GNAO1: variants seen among roughly 807,000 people sequenced by gnomAD.
GNAO1 encodes G protein subunit alpha o1, also known as guanine nucleotide-binding protein G(o) subunit alpha.
For synonymous variants in GNAO1, 164 were observed against 180.7 expected (o/e 0.91, Z 0.74); for missense variants, 166 against 478.7 (o/e 0.35, Z 6.10).
chr16:56,324,697 G>A (rs1351987621), intron 3 of GNAO1, among the ~76,000 whole-genome samples: 1 of 152,230 alleles, frequency 6.6e-6, no homozygotes, highest in Non-Finnish European at 1.5e-5. Flanking sequence ...CTGCCAGGGG[G>A]GCCCGGACAG....
At chr16:56,303,379 C>T (rs1209569057) in intron 3 of GNAO1, among the ~76,000 whole-genome samples, 1 of 152,192 alleles carries the variant, frequency 6.6e-6, no homozygotes, top group Non-Finnish European at 1.5e-5. Context: ...GGCGGGCAGC[C>T]TTCCCATAGC....
intron 2 of GNAO1, among the ~76,000 whole-genome samples, chr16:56,273,361 G>C (rs1407767179): frequency 2.0e-5 from 3 of 152,042 alleles, no homozygotes; most frequent in African/African-American, 7.2e-5. Flanking sequence ...TTCATCAGTT[G>C]ATATTCCCTT....
chr16:56,265,391 C>A (rs561200746), intron 2 of GNAO1, among the ~76,000 whole-genome samples: 1 of 152,214 alleles, frequency 6.6e-6, no homozygotes, highest in South Asian at 2.1e-4. Flanking sequence ...CCATGCAGGT[C>A]GGGCTCACTG....
intron 2 of GNAO1, among the ~76,000 whole-genome samples, chr16:56,223,542 A>C (rs1269077876): frequency 1.3e-5 from 2 of 152,194 alleles, no homozygotes; most frequent in Non-Finnish European, 2.9e-5. Flanking sequence ...GGCCCTGTAA[A>C]GTTCCAGGGA....
intron 2 of GNAO1, among the ~76,000 whole-genome samples, chr16:56,236,899 G>A (rs1390310529): frequency 1.3e-5 from 2 of 152,194 alleles, no homozygotes; most frequent in African/African-American, 4.8e-5. Flanking sequence ...CCAGGAACGT[G>A]TAGGATTGTG....
At chr16:56,273,571 T>TTGTG (rs1168669855) in intron 2 of GNAO1, among the ~76,000 whole-genome samples, 2 of 152,244 alleles carry the variant, frequency 1.3e-5, no homozygotes, top group Non-Finnish European at 2.9e-5. Flanking sequence ...CAGGAATTAT[T>TTGTG]TGTGTGATGC....
intron 2 of GNAO1, among the ~76,000 whole-genome samples, chr16:56,197,229 G>C (rs764785432): frequency 2.0e-5 from 3 of 152,220 alleles, no homozygotes; most frequent in Non-Finnish European, 4.4e-5. Context: ...CGCACGTTGG[G>C]TTAGTATTCT....
intron 2 of GNAO1, chr16:56,194,472 G>A (rs1213959275): frequency 2.9e-6 from 1 of 344,804 alleles, no homozygotes; most frequent in Non-Finnish European, 5.8e-6. Context: ...GAGGTTTCAG[G>A]CGTTGCAAGT....
At chr16:56,277,838 C>T (rs976484188) in intron 3 of GNAO1, among the ~76,000 whole-genome samples, 28 of 126,610 alleles carry the variant, frequency 2.2e-4, no homozygotes, top group African/African-American at 6.0e-4. Context: ...CACACACACA[C>T]ACACGGTGTG....
intron 2 of GNAO1, among the ~76,000 whole-genome samples, chr16:56,236,733 C>G (rs147539371): frequency 8.5e-4 from 129 of 152,290 alleles, no homozygotes; most frequent in African/African-American, 2.9e-3. Context: ...CGCAGTGATC[C>G]TCTGTAATCG....
intron 2 of GNAO1, among the ~76,000 whole-genome samples, chr16:56,266,089 A>C (rs899241): frequency 6.6e-6 from 1 of 151,778 alleles, no homozygotes; most frequent in African/African-American, 2.4e-5. Context: ...TTCCCCACTA[A>C]CTACTAGTTT....
At chr16:56,294,210 C>T (rs1194464471) in intron 3 of GNAO1, among the ~76,000 whole-genome samples, 1 of 152,132 alleles carries the variant, frequency 6.6e-6, no homozygotes, top group Non-Finnish European at 1.5e-5. Flanking sequence ...TGCAGGCAGG[C>T]CCCGTCGCTC....
chr16:56,350,716 G>A (rs1243201257), intron 6 of GNAO1, among the ~76,000 whole-genome samples: 2 of 152,072 alleles, frequency 1.3e-5, no homozygotes, highest in African/African-American at 4.8e-5. Flanking sequence ...CCTGAGTGGT[G>A]GCACCCAGGA....
chr16:56,293,064 C>A (rs1328797030), intron 3 of GNAO1, among the ~76,000 whole-genome samples: 1 of 152,236 alleles, frequency 6.6e-6, no homozygotes, highest in Non-Finnish European at 1.5e-5. Flanking sequence ...GGTATCAGGC[C>A]AGTGGACTGG....
At chr16:56,264,362 T>G (rs1184333455) in intron 2 of GNAO1, among the ~76,000 whole-genome samples, 3 of 152,182 alleles carry the variant, frequency 2.0e-5, no homozygotes, top group African/African-American at 7.2e-5. Flanking sequence ...ACAGCTGGCC[T>G]GTGCAGCCCC....
chr16:56,245,017 A>C (rs1245195629), intron 2 of GNAO1, among the ~76,000 whole-genome samples: 1 of 152,240 alleles, frequency 6.6e-6, no homozygotes, highest in South Asian at 2.1e-4. Flanking sequence ...ATTTTCAAAG[A>C]AAGTTTCACT....
intron 3 of GNAO1, among the ~76,000 whole-genome samples, chr16:56,322,718 G>A (rs1210615638): frequency 1.3e-5 from 2 of 152,074 alleles, no homozygotes; most frequent in African/African-American, 4.8e-5. Context: ...GGTCGACTTT[G>A]AGTCCAGGCT....
chr16:56,252,299 C>T (rs2036806653), intron 2 of GNAO1, among the ~76,000 whole-genome samples: 1 of 152,216 alleles, frequency 6.6e-6, no homozygotes, highest in South Asian at 2.1e-4. Flanking sequence ...TCCAAGTCCC[C>T]AAGGCTGGCC....
At chr16:56,284,529 A>G (rs1269039511) in intron 3 of GNAO1, among the ~76,000 whole-genome samples, 1 of 152,216 alleles carries the variant, frequency 6.6e-6, no homozygotes, top group Non-Finnish European at 1.5e-5. Flanking sequence ...AAGAAGGACT[A>G]AAGTGTCAGA....
Sources: allele counts gnomAD v4.1 joint callset (sites outside exome capture counted in the v4.1 genomes callset), GRCh38; gene constraint gnomAD v4.1.1; transcripts MANE v1.5; gene names NCBI Gene and HGNC (gene_info 2026-07-23, HGNC 2026-07-21).